Variants in DPH6 observed in about 807,000 individuals in gnomAD.
DPH6 encodes diphthamine biosynthesis 6.
Under a neutral mutation model 38.2 loss-of-function variants are expected in DPH6, and 33 were observed. That is an observed-to-expected ratio of 0.86 (90% CI 0.65 to 1.15). The LOEUF is 1.15. Ranked by LOEUF, DPH6 falls within the 50% of genes most tolerant of loss-of-function variation. The probability of loss-of-function intolerance (pLI) is 0.00; values close to 1 mark genes in which losing one functional copy is unlikely to be tolerated. For missense variants in DPH6, 325 were observed against 320.0 expected (o/e 1.02, Z -0.12); for synonymous variants, 108 against 103.0 (o/e 1.05, Z -0.30).
chr15:35,179,150 G>A, the DPH6 span, among the ~76,000 whole-genome samples: 1 of 137,896 alleles, frequency 7.3e-6, no homozygotes, highest in Non-Finnish European at 1.5e-5. Context: ...AGTTTGTGGT[G>A]AGCCAAGATT....
downstream of DPH6, among the ~76,000 whole-genome samples, chr15:35,370,118 T>C (rs1363147778): frequency 6.6e-6 from 1 of 151,626 alleles, no homozygotes. Context: ...TTTCAAGAAA[T>C]GGTGCTGGAA....
At chr15:35,430,185 T>A (rs938840158) in intron 5 of DPH6, among the ~76,000 whole-genome samples, 1 of 152,158 alleles carries the variant, frequency 6.6e-6, no homozygotes, top group Non-Finnish European at 1.5e-5. Context: ...TTTGAAGTCA[T>A]GTGAATGCTA....
At chr15:35,479,376 C>T (rs956661108) in intron 3 of DPH6, among the ~76,000 whole-genome samples, 9 of 152,044 alleles carry the variant, frequency 5.9e-5, no homozygotes, top group East Asian at 3.9e-4. Flanking sequence ...TATTGTAGAC[C>T]CTCTGAAATA....
intron 3 of DPH6, among the ~76,000 whole-genome samples, chr15:35,278,778 A>AGT (rs1336146970): frequency 6.6e-6 from 1 of 152,162 alleles, no homozygotes; most frequent in African/African-American, 2.4e-5. Context: ...GGCCAGGAGC[A>AGT]GTGGCTCAAG....
chr15:35,398,603 C>T (rs2053177753), intron 6 of DPH6, among the ~76,000 whole-genome samples: 1 of 152,216 alleles, frequency 6.6e-6, no homozygotes, highest in African/African-American at 2.4e-5. Flanking sequence ...GGCTGTTCAT[C>T]TGTATCCTAA....
At chr15:35,390,488 G>C (rs1238650164) in intron 6 of DPH6, among the ~76,000 whole-genome samples, 1 of 152,126 alleles carries the variant, frequency 6.6e-6, no homozygotes, top group Non-Finnish European at 1.5e-5. Context: ...CCAATTAGAC[G>C]TAGATTTGGT....
intron 5 of DPH6, among the ~76,000 whole-genome samples, chr15:35,435,641 A>C (rs2053689169): frequency 1.3e-5 from 2 of 152,112 alleles, no homozygotes; most frequent in Admixed American, 1.3e-4. Flanking sequence ...CTTTTTGCCT[A>C]ATAAATCTGT....
chr15:35,175,035 G>C, the DPH6 span, among the ~76,000 whole-genome samples: 1 of 152,084 alleles, frequency 6.6e-6, no homozygotes, highest in African/African-American at 2.4e-5. Context: ...TCAAAGCACT[G>C]TTGGCTGTTT....
At chr15:35,220,988 A>C (rs1467602421) in intron 3 of DPH6, among the ~76,000 whole-genome samples, 1 of 152,220 alleles carries the variant, frequency 6.6e-6, no homozygotes. Flanking sequence ...TCATAAGGCA[A>C]ATTCCTCTCC....
intron 3 of DPH6, among the ~76,000 whole-genome samples, chr15:35,525,094 T>G (rs1260975966): frequency 6.6e-6 from 1 of 152,160 alleles, no homozygotes; most frequent in African/African-American, 2.4e-5. Flanking sequence ...CATGAGGTTA[T>G]AAACTAACAG....
At chr15:35,149,380 G>A in the DPH6 span, among the ~76,000 whole-genome samples, 1 of 152,140 alleles carries the variant, frequency 6.6e-6, no homozygotes. Context: ...TGGGATTACA[G>A]GCACCCACTA....
chr15:35,257,899 A>G (rs189914881), intron 3 of DPH6, among the ~76,000 whole-genome samples: 1 of 152,170 alleles, frequency 6.6e-6, no homozygotes, highest in East Asian at 1.9e-4. Flanking sequence ...GAATAGTATT[A>G]TCCTTAGAAC....
intron 6 of DPH6, among the ~76,000 whole-genome samples, chr15:35,402,867 A>G (rs749835801): frequency 9.2e-5 from 14 of 152,196 alleles, no homozygotes; most frequent in South Asian, 2.1e-4. Flanking sequence ...TAGAAAAACC[A>G]ATCTTTCCAA....
Position 35,272,744 on chromosome 15 carries a change from C to T in DPH6, n.201-52162G>A, listed in dbSNP as rs569696760. 4.6e-5 allele frequency among the ~76,000 whole-genome samples: 7 copies of T among 152,030 alleles called. No homozygotes were observed. The East Asian group carries it at 1.4e-3, about 29-fold the overall frequency. ...GCCAACATGGTGAAACCCATCTCTA[C>T]CAAAAATAGAAAAATTAGCTGAGCA... On this transcript the variant is annotated intron_variant and non_coding_transcript_variant, in intron 3 of 3. Coordinates refer to the DPH6 transcript ENST00000560386.
intron 7 of DPH6, among the ~76,000 whole-genome samples, chr15:35,380,761 ATTT>A (rs2140937320): frequency 6.6e-6 from 1 of 152,188 alleles, no homozygotes; most frequent in African/African-American, 2.4e-5. Flanking sequence ...CTTATGACTT[ATTT>A]TTTACCACCT....
chr15:35,385,051 A>T (rs574595032), intron 6 of DPH6, among the ~76,000 whole-genome samples: 28 of 152,368 alleles, frequency 1.8e-4, no homozygotes, highest in African/African-American at 6.5e-4. Context: ...AGAAATGCAA[A>T]TCAAAACCAC....
At chr15:35,490,661 C>T (rs2054464104) in intron 3 of DPH6, among the ~76,000 whole-genome samples, 1 of 152,112 alleles carries the variant, frequency 6.6e-6, no homozygotes, top group Non-Finnish European at 1.5e-5. Flanking sequence ...CAGAACATTT[C>T]ATCTAAAATA....
chr15:35,282,181 T>C (rs909050719), intron 3 of DPH6, among the ~76,000 whole-genome samples: 3 of 152,154 alleles, frequency 2.0e-5, no homozygotes, highest in Admixed American at 2.0e-4. Context: ...TTTCTTTTTG[T>C]TTTTAAATGA....
At chr15:35,391,834 ACTGCACCCACTGTC>A (rs1262030040) in intron 6 of DPH6, among the ~76,000 whole-genome samples, 1 of 152,178 alleles carries the variant, frequency 6.6e-6, no homozygotes, top group Non-Finnish European at 1.5e-5. Context: ...TGCATGGTGC[ACTGCACCCACTGTC>A]CTGCACCCGC....
Sources: allele counts gnomAD v4.1 joint callset (sites outside exome capture counted in the v4.1 genomes callset), GRCh38; gene constraint gnomAD v4.1.1; transcripts MANE v1.5; gene names NCBI Gene and HGNC (gene_info 2026-07-23, HGNC 2026-07-21).